The following USP34 variants were observed in gnomAD, a reference collection of about 807,000 sequenced individuals.
USP34 encodes the protein ubiquitin specific peptidase 34.
A neutral mutation model predicts 460.3 loss-of-function variants in USP34; 70 were observed. The observed-to-expected ratio is 0.15, with a 90% confidence interval of 0.13 to 0.19. USP34 has a LOEUF of 0.19. Among genes scored for constraint, USP34 ranks in the 10% least tolerant of loss-of-function variants. The pLI, the probability that USP34 is intolerant of heterozygous loss-of-function variation, is 1.00. For missense variants in USP34, 3,985 were observed against 4,236.2 expected (o/e 0.94, Z 1.65); for synonymous variants, 1,647 against 1,405.3 (o/e 1.17, Z -3.85).
At chr2:61,240,014 A>G (rs1470254735) in intron 53 of USP34, among the ~76,000 whole-genome samples, 1 of 149,522 alleles carries the variant, frequency 6.7e-6, no homozygotes, top group Non-Finnish European at 1.5e-5. Flanking sequence ...CCTTCTCAAA[A>G]AAAAAAAAAA....
intron 1 of USP34, among the ~76,000 whole-genome samples, chr2:61,467,621 T>TG (rs1402921015): frequency 7.0e-6 from 1 of 142,314 alleles, no homozygotes; most frequent in Non-Finnish European, 1.5e-5. Context: ...AACTTTGTTT[T>TG]TTTTTTTTTT....
intron 37 of USP34, among the ~76,000 whole-genome samples, chr2:61,282,940 A>T (rs531904732): frequency 6.6e-6 from 1 of 152,250 alleles, no homozygotes; most frequent in African/African-American, 2.4e-5. Context: ...TCAGAAAAAT[A>T]TAAATGCTAC....
chr2:61,346,831 CAAA>C (rs776311612), intron 15 of USP34, among the ~76,000 whole-genome samples: 17 of 29,790 alleles, frequency 5.7e-4, no homozygotes, highest in African/African-American at 1.8e-3. Context: ...GATTCCAACT[CAAA>C]AAAAAAAAAA....
rs1005201901 is a variant in USP34 at position 61,456,908 on chromosome 2, G to A, written c.43+13742C>T. Among the ~76,000 whole-genome samples the A allele has an allele frequency of 2.6e-5, 4 of 152,040 alleles. No homozygotes were observed. In the South Asian group the frequency reaches 8.3e-4, roughly 32 times the overall value. ...CAGGAGGATAGCTTGGCCCACCTGG[G>A]ACGTTGAGGCTGCAGTTAGCCATGA... On this transcript the variant is annotated intron_variant, in intron 1 of 79. Coordinates refer to ENST00000398571, the MANE Select transcript of USP34 (RefSeq NM_014709.4).
intron 41 of USP34, among the ~76,000 whole-genome samples, chr2:61,273,144 A>C (rs1341362698): frequency 6.6e-6 from 1 of 152,200 alleles, no homozygotes; most frequent in Non-Finnish European, 1.5e-5. Flanking sequence ...CCTAAGAATA[A>C]ACTTACTAAG....
chr2:61,219,398 C>T (rs1051987317), intron 67 of USP34, among the ~76,000 whole-genome samples: 15 of 152,146 alleles, frequency 9.9e-5, no homozygotes, highest in Admixed American at 2.6e-4. Flanking sequence ...GGGCCAGGTG[C>T]GGTGGCTCAC....
At chr2:61,244,924 T>TA (rs1688380295) in intron 51 of USP34, among the ~76,000 whole-genome samples, 1 of 152,066 alleles carries the variant, frequency 6.6e-6, no homozygotes, top group Non-Finnish European at 1.5e-5. Flanking sequence ...ATTCACTGAG[T>TA]AAACAATTTA....
At chr2:61,385,324 A>G (rs952425613) in intron 5 of USP34, among the ~76,000 whole-genome samples, 1 of 152,166 alleles carries the variant, frequency 6.6e-6, no homozygotes, top group African/African-American at 2.4e-5. Flanking sequence ...AAAGGTTTAC[A>G]TGCAGAACTT....
At chr2:61,340,205 T>TA (rs1029026654) in intron 16 of USP34, among the ~76,000 whole-genome samples, 15 of 129,978 alleles carry the variant, frequency 1.2e-4, no homozygotes, top group South Asian at 7.5e-4. Context: ...TCCCTATATT[T>TA]AAAAAAAAAC....
chr2:61,282,424 T>C (rs1257691862), intron 37 of USP34, among the ~76,000 whole-genome samples: 2 of 152,186 alleles, frequency 1.3e-5, no homozygotes, highest in Non-Finnish European at 2.9e-5. Flanking sequence ...TTGGCCTCAG[T>C]GTCAACATGG....
At chr2:61,281,840 A>G (rs922952654) in intron 37 of USP34, among the ~76,000 whole-genome samples, 11 of 152,220 alleles carry the variant, frequency 7.2e-5, no homozygotes, top group African/African-American at 2.7e-4. Flanking sequence ...AGTCAGTAAG[A>G]GGATAAAATA....
intron 75 of USP34, among the ~76,000 whole-genome samples, chr2:61,202,909 C>T (rs1239639882): frequency 6.6e-6 from 1 of 152,048 alleles, no homozygotes; most frequent in African/African-American, 2.4e-5. Context: ...ATCAGCCCTA[C>T]TCCACACTCC....
chr2:61,230,570 G>A (rs780551445), intron 58 of USP34, among the ~76,000 whole-genome samples: 5 of 151,946 alleles, frequency 3.3e-5, no homozygotes, highest in Non-Finnish European at 7.4e-5. Flanking sequence ...CCAGTTTACC[G>A]CTGGTGCAGT....
At chr2:61,405,415 T>C (rs139458456) in intron 3 of USP34, among the ~76,000 whole-genome samples, 290 of 152,238 alleles carry the variant, frequency 1.9e-3, no homozygotes, top group African/African-American at 6.1e-3. Flanking sequence ...CCCTCAACTA[T>C]TATTTATTAA....
At chr2:61,419,087 G>A (rs1479625705) in intron 2 of USP34, among the ~76,000 whole-genome samples, 1 of 152,122 alleles carries the variant, frequency 6.6e-6, no homozygotes, top group Admixed American at 6.5e-5. Flanking sequence ...TTCCACCAAT[G>A]AGGAAATGAG....
chr2:61,283,079 T>A, intron 37 of USP34, 66 bp downstream of exon 37: 1 of 1,535,954 alleles, frequency 6.5e-7, no homozygotes, highest in Non-Finnish European at 8.9e-7. Flanking sequence ...AGCTCTTTTA[T>A]TATCAATGCT....
In USP34 at chr2:61,387,870, C is replaced by T. The variant is rs374367899; in HGVS notation, c.754-4534G>A. ...ACACATGTAAAAATATATATTTTTA[C>T]GTATACGCATATGTAAAAATATATT... On this transcript the variant is annotated intron_variant, in intron 5 of 79. Transcript: ENST00000398571. Among the ~76,000 whole-genome samples, 255 of 144,422 alleles carry T rather than the reference C, an allele frequency of 1.8e-3. 1 individual carries two copies. Among genetic ancestry groups the T allele is most frequent in the Admixed American group, 2.7e-3 (39 of 14,306 alleles). The allele number at this position is 144,422 out of a possible 152,430, so 94.7% of individuals were successfully genotyped here.
chr2:61,368,840 A>G (rs535662432), intron 10 of USP34, among the ~76,000 whole-genome samples: 2 of 152,312 alleles, frequency 1.3e-5, no homozygotes, highest in African/African-American at 4.8e-5. Flanking sequence ...CAGACCATAA[A>G]AACTACAACC....
intron 1 of USP34, among the ~76,000 whole-genome samples, chr2:61,445,640 T>A (rs1242335694): frequency 6.6e-6 from 1 of 151,380 alleles, no homozygotes; most frequent in Non-Finnish European, 1.5e-5. Flanking sequence ...AAATCTAAAT[T>A]AACATAAACT....
Sources: gnomAD v4.1 joint callset for allele counts (sites outside exome capture counted in the v4.1 genomes callset) on GRCh38, gnomAD v4.1.1 for gene constraint, MANE v1.5 for transcripts, NCBI Gene and HGNC (gene_info 2026-07-23, HGNC 2026-07-21) for gene names.